Variants in KCNQ5 observed in about 807,000 individuals in gnomAD.
KCNQ5 encodes the protein potassium voltage-gated channel subfamily KQT member 5.
Under a neutral mutation model 98.2 loss-of-function variants are expected in KCNQ5, and 30 were observed. The ratio of observed to expected loss-of-function variants is 0.31; its 90% CI spans 0.23 to 0.41. KCNQ5 has a LOEUF of 0.41. KCNQ5 is among the 10% of genes least tolerant of loss of function. The probability of loss-of-function intolerance (pLI) is 1.00; values close to 1 mark genes in which losing one functional copy is unlikely to be tolerated. For synonymous variants in KCNQ5, 458 were observed against 449.4 expected, an observed-to-expected ratio of 1.02 and a Z score of -0.24; for missense variants, 835 against 1,182.5, an observed-to-expected ratio of 0.71 and a Z score of 4.31.
rs540735391 is a variant in KCNQ5, at chr6:72,719,606, G to T, written c.398+97019G>T. The stretch of plus-strand genomic sequence containing the variant: ...CTTGCACTTTTAAAGTCCTAATTTT[G>T]GGGCCTCTTGCTTAGAGATACTTCT... On this transcript the variant is annotated intron_variant, in intron 1 of 13. Coordinates refer to ENST00000370398, the MANE Select transcript of KCNQ5 (RefSeq NM_019842.4). 8.4e-4 allele frequency among the ~76,000 whole-genome samples: 128 copies of T among 152,208 alleles called. 1 individual carries two copies. Among genetic ancestry groups the T allele is most frequent in the African/African-American group, 2.9e-3 (122 of 41,538 alleles).
intron 1 of KCNQ5, among the ~76,000 whole-genome samples, chr6:72,886,109 G>A (rs2150177868): frequency 6.6e-6 from 1 of 152,300 alleles, no homozygotes; most frequent in Non-Finnish European, 1.5e-5. Context: ...GTGAGGGTCA[G>A]CAAAAGAAAC....
chr6:72,956,562 T>A (rs940968753), intron 1 of KCNQ5, among the ~76,000 whole-genome samples: 2 of 149,362 alleles, frequency 1.3e-5, no homozygotes, highest in Non-Finnish European at 3.0e-5. Context: ...TTTTTTATTT[T>A]TTTATTTTTT....
chr6:73,119,681 T>A (rs1443302666), intron 7 of KCNQ5, among the ~76,000 whole-genome samples: 2 of 152,222 alleles, frequency 1.3e-5, no homozygotes, highest in East Asian at 3.8e-4. Context: ...CTGGTGTTCA[T>A]TAGTTAACTA....
At chr6:72,643,236 C>T (rs1765418260) in intron 1 of KCNQ5, among the ~76,000 whole-genome samples, 1 of 152,096 alleles carries the variant, frequency 6.6e-6, no homozygotes, top group African/African-American at 2.4e-5. Flanking sequence ...AATAACAAAC[C>T]TGCACATGTA....
At chr6:72,792,644 A>G (rs1774114160) in intron 1 of KCNQ5, among the ~76,000 whole-genome samples, 1 of 152,190 alleles carries the variant, frequency 6.6e-6, no homozygotes, top group Non-Finnish European at 1.5e-5. Flanking sequence ...ATGCCTTAAA[A>G]TTTGTGGCTA....
At chr6:72,645,975 G>A (rs1765576325) in intron 1 of KCNQ5, among the ~76,000 whole-genome samples, 1 of 152,038 alleles carries the variant, frequency 6.6e-6, no homozygotes. Flanking sequence ...TACTTCATGT[G>A]ATGTACTGTG....
intron 1 of KCNQ5, among the ~76,000 whole-genome samples, chr6:72,815,248 T>C (rs944775510): frequency 5.9e-5 from 9 of 152,150 alleles, no homozygotes; most frequent in Non-Finnish European, 1.2e-4. Context: ...ACATAGAAAC[T>C]GCAAATCACT....
chr6:72,854,105 G>A (rs924916307), intron 1 of KCNQ5, among the ~76,000 whole-genome samples: 7 of 152,192 alleles, frequency 4.6e-5, no homozygotes, highest in Admixed American at 1.3e-4. Flanking sequence ...CCATGAGAAC[G>A]CTTAAGAACC....
intron 1 of KCNQ5, among the ~76,000 whole-genome samples, chr6:72,859,168 GT>G (rs1247242572): frequency 6.6e-6 from 1 of 152,016 alleles, no homozygotes; most frequent in East Asian, 1.9e-4. Context: ...GACACAGACA[GT>G]TTTATTATAA....
intron 1 of KCNQ5, among the ~76,000 whole-genome samples, chr6:72,938,410 C>T (rs532035752): frequency 1.3e-5 from 2 of 152,204 alleles, no homozygotes; most frequent in East Asian, 3.9e-4. Flanking sequence ...GATGGAGTCT[C>T]GCTCTGTCAC....
chr6:72,768,825 TA>T (rs767462166), intron 1 of KCNQ5, among the ~76,000 whole-genome samples: 47 of 152,110 alleles, frequency 3.1e-4, no homozygotes, highest in Non-Finnish European at 2.2e-4. Context: ...ATTTTCATTG[TA>T]AAACCCAATT....
Position 73,195,520 on chromosome 6 carries a change from G to A in KCNQ5, c.*106G>A, listed in dbSNP as rs551745274. 109 of 1,380,992 alleles carry A rather than the reference G, an allele frequency of 7.9e-5. No homozygotes were observed. The highest frequency in any genetic ancestry group is 1.0e-4 in the Non-Finnish European group (103 of 1,020,628). 85.5% of individuals were successfully genotyped at this position (1,380,992 alleles called of 1,614,324 possible). A position where few individuals can be genotyped will look rare whatever the true frequency, so the allele number is the denominator to read the frequency against. On this transcript the variant is annotated 3_prime_UTR_variant, in exon 14 of 14. Transcript: ENST00000370398. The stretch of plus-strand genomic sequence containing the variant: ...AAGTTGAAATTGCAAGAATCGGGAA[G>A]AACATGAAAGGCAGTTTATAAGCCC...
At chr6:72,722,221 G>T (rs1427565695) in intron 1 of KCNQ5, among the ~76,000 whole-genome samples, 1 of 152,156 alleles carries the variant, frequency 6.6e-6, no homozygotes, top group Non-Finnish European at 1.5e-5. Context: ...CTGACCTCCA[G>T]AACTATAAGA....
chr6:72,901,722 C>T (rs187184159), intron 1 of KCNQ5, among the ~76,000 whole-genome samples: 50 of 152,098 alleles, frequency 3.3e-4, no homozygotes, highest in African/African-American at 1.1e-3. Flanking sequence ...TATTTTATAC[C>T]GGTACCATGC....
intron 5 of KCNQ5, among the ~76,000 whole-genome samples, chr6:73,098,540 A>G (rs1161853168): frequency 2.0e-5 from 3 of 152,230 alleles, no homozygotes; most frequent in Non-Finnish European, 2.9e-5. Flanking sequence ...TGGAGCTCCA[A>G]TACATCTGGC....
chr6:72,964,214 C>A (rs1198166383), intron 1 of KCNQ5, among the ~76,000 whole-genome samples: 1 of 152,158 alleles, frequency 6.6e-6, no homozygotes, highest in East Asian at 1.9e-4. Context: ...CCCTGATAGA[C>A]TTTTAAATGT....
At chr6:73,062,095 A>G (rs902260171) in intron 3 of KCNQ5, among the ~76,000 whole-genome samples, 1 of 152,188 alleles carries the variant, frequency 6.6e-6, no homozygotes, top group Admixed American at 6.5e-5. Context: ...GTCCTTAGAT[A>G]TAATAAGTAA....
intron 1 of KCNQ5, chr6:72,986,829 C>A: frequency 8.7e-7 from 1 of 1,143,684 alleles, no homozygotes; most frequent in Non-Finnish European, 1.3e-6. Flanking sequence ...ACAAAGGGGG[C>A]CCAGGACCCC....
chr6:72,893,955 T>C (rs1272974573), intron 1 of KCNQ5, among the ~76,000 whole-genome samples: 2 of 152,206 alleles, frequency 1.3e-5, no homozygotes, highest in Non-Finnish European at 2.9e-5. Context: ...TAATACTATA[T>C]AATTAGGTAT....
Sources: allele counts gnomAD v4.1 joint callset (sites outside exome capture counted in the v4.1 genomes callset), GRCh38; gene constraint gnomAD v4.1.1; transcripts MANE v1.5; gene names NCBI Gene and HGNC (gene_info 2026-07-23, HGNC 2026-07-21).